The following DNAJC27 variants were observed in gnomAD, a reference collection of about 807,000 sequenced individuals.
DNAJC27 encodes DnaJ heat shock protein family (Hsp40) member C27, also known as dnaJ homolog subfamily C member 27.
In DNAJC27, 25 loss-of-function variants were observed where a neutral mutation model predicts 31.4. The observed-to-expected ratio is 0.80, with a 90% confidence interval of 0.58 to 1.11. DNAJC27 has a LOEUF of 1.11. DNAJC27 is among the 50% of genes most tolerant of loss of function. The probability of loss-of-function intolerance (pLI) is 0.00; values close to 1 mark genes in which losing one functional copy is unlikely to be tolerated. For synonymous variants in DNAJC27, 106 were observed against 112.7 expected, an observed-to-expected ratio of 0.94 and a Z score of 0.37; for missense variants, 356 against 347.3, an observed-to-expected ratio of 1.02 and a Z score of -0.20.
intron 1 of DNAJC27, chr2:24,971,536 G>A (rs1666336947): frequency 3.6e-6 from 1 of 279,908 alleles, no homozygotes; most frequent in Non-Finnish European, 6.7e-6. Context: ...GGCCCCTCAT[G>A]GGGACCCAGG....
Position 24,971,933 on chromosome 2 carries a change from T to C in DNAJC27, c.-29A>G, listed in dbSNP as rs1280310463. The C allele has an allele frequency of 6.5e-7, 1 of 1,541,710 alleles. No individual in the cohort carries two copies. Among genetic ancestry groups the C allele is most frequent in the East Asian group, 2.5e-5 (1 of 40,192 alleles). On this transcript the variant is annotated 5_prime_UTR_variant, in exon 1 of 7. Coordinates refer to ENST00000264711, the MANE Select transcript of DNAJC27 (RefSeq NM_016544.3). ...CCTGGCTCTCTCGGGGCCACCCGCC[T>C]CGGTCTCTTCTTGTGCACCGCTGGC...
At chr2:24,956,306 T>C (rs540657048) in intron 5 of DNAJC27, among the ~76,000 whole-genome samples, 1 of 152,332 alleles carries the variant, frequency 6.6e-6, no homozygotes, top group South Asian at 2.1e-4. Flanking sequence ...TACTTCCAAA[T>C]GTATCTATAA....
intron 1 of DNAJC27, among the ~76,000 whole-genome samples, chr2:24,968,589 G>A (rs186129435): frequency 2.0e-4 from 31 of 151,748 alleles, no homozygotes; most frequent in African/African-American, 6.8e-4. Flanking sequence ...TGAACCGCCC[G>A]CCTCGGTCTC....
intron 1 of DNAJC27, 53 bp from the exon 2 acceptor site, chr2:24,967,346 C>T: frequency 8.3e-7 from 1 of 1,206,320 alleles, no homozygotes; most frequent in Non-Finnish European, 1.2e-6. Flanking sequence ...AGAACACATA[C>T]AGAATAAGTA....
chr2:24,970,108 G>C (rs945323555), intron 1 of DNAJC27, among the ~76,000 whole-genome samples: 6 of 152,102 alleles, frequency 3.9e-5, no homozygotes, highest in African/African-American at 1.4e-4. Context: ...TTAAACCTAG[G>C]AACTTTATTT....
At chr2:24,955,152 G>A (rs2149123822) in intron 5 of DNAJC27, among the ~76,000 whole-genome samples, 1 of 152,234 alleles carries the variant, frequency 6.6e-6, no homozygotes, top group African/African-American at 2.4e-5. Flanking sequence ...CTGTAAAACA[G>A]CTATTATAAA....
rs887872871 is a variant in DNAJC27 at position 24,946,197 on chromosome 2, T to C, written c.*1419A>G. On this transcript the variant is annotated 3_prime_UTR_variant, in exon 7 of 7. Coordinates refer to ENST00000264711, the MANE Select transcript of DNAJC27 (RefSeq NM_016544.3). ...AGGAGGAGACTGTGGTCAGAGAATGTATTTTGTAAGCTATAGTTTAAAAAT... is the reference window on the plus strand; with the variant it reads ...AGGAGGAGACTGTGGTCAGAGAATGCATTTTGTAAGCTATAGTTTAAAAAT... 1 of 152,210 alleles carries C rather than the reference T, an allele frequency of 6.6e-6. No individual in the cohort carries two copies. The highest frequency in any genetic ancestry group is 2.4e-5 in the African/African-American group (1 of 41,460). 9.4% of individuals were successfully genotyped at this position (152,210 alleles called of 1,614,324 possible). A position where few individuals can be genotyped will look rare whatever the true frequency, so the allele number is the denominator to read the frequency against.
chr2:24,957,753 A>C, intron 4 of DNAJC27, 57 bp downstream of exon 4: 1 of 1,489,254 alleles, frequency 6.7e-7, no homozygotes, highest in Non-Finnish European at 9.2e-7. Flanking sequence ...GTTTCCCAAC[A>C]CTCAAAGCTC....
upstream of DNAJC27, chr2:24,972,082 G>A (rs568032861): frequency 1.0e-5 from 5 of 494,292 alleles, no homozygotes; most frequent in South Asian, 1.1e-4. Flanking sequence ...GTGGGGAGCC[G>A]GGGGAGGGAG....
chr2:24,957,992 G>C lies in DNAJC27; in HGVS notation c.241-18C>G. 6.2e-7 allele frequency: 1 copy of C among 1,604,438 alleles called. No homozygotes were observed. Among genetic ancestry groups the C allele is most frequent in the Non-Finnish European group, 8.5e-7 (1 of 1,174,634 alleles). ...TTTCGAACCTTCAAATAAAAGGACA[G>C]ATACACAAAACGTAGTTTTTGTGAT... On this transcript the variant is annotated intron_variant, in intron 3 of 6. Transcript: ENST00000264711.
chr2:24,950,621 T>C lies in DNAJC27; in HGVS notation c.689+773A>G, dbSNP rs184984140. On this transcript the variant is annotated intron_variant, in intron 6 of 6. Transcript: ENST00000264711. Reference sequence around the variant, plus strand: ...CAGTAGTTTGGGAGGCTGAGGCAGTTGGATCACCTGAGGCCAGGAGTTCAA... The same window carrying C: ...CAGTAGTTTGGGAGGCTGAGGCAGTCGGATCACCTGAGGCCAGGAGTTCAA... Among the ~76,000 whole-genome samples the C allele has an allele frequency of 7.8e-4, 119 of 152,220 alleles. 1 individual carries two copies. Among genetic ancestry groups the C allele is most frequent in the African/African-American group, 2.7e-3 (113 of 41,526 alleles).
chr2:24,958,565 C>A, intron 3 of DNAJC27: 1 of 421,096 alleles, frequency 2.4e-6, no homozygotes. Flanking sequence ...TGATCTTGGG[C>A]AAGTCACTTA....
chr2:24,951,399 G>A lies in DNAJC27; in HGVS notation c.684C>T (p.Ala228=), dbSNP rs1434084947. The change falls in exon 6 of 7, where the codon GCC becomes GCT. Residue 228 remains alanine, a synonymous_variant. Transcript: ENST00000264711. ...SWDMLGVKPG[A]SRDEVNKAYR... The stretch of plus-strand genomic sequence containing the variant: ...AAGTATCCCAGAGCGCTTACCTTGA[G>A]GCCCCAGGTTTGACTCCCAGCATGT... The A allele has an allele frequency of 6.2e-7, 1 of 1,610,650 alleles. No homozygotes were observed. The highest frequency in any genetic ancestry group is 1.3e-5 in the African/African-American group (1 of 74,846).
chr2:24,967,063 A>C, intron 2 of DNAJC27, 148 bp downstream of exon 2: 1 of 645,758 alleles, frequency 1.5e-6, no homozygotes, highest in East Asian at 2.8e-5. Context: ...GATACCTGTA[A>C]AGGTCTACTA....
Position 24,970,477 on chromosome 2 carries a change from T to C in DNAJC27, c.87+1341A>G, listed in dbSNP as rs1234515369. 6.7e-5 allele frequency among the ~76,000 whole-genome samples: 10 copies of C among 148,782 alleles called. No homozygotes were observed. The East Asian group carries it at 1.9e-3, about 29-fold the overall frequency. ...TAAAATTACTTTTTTTTTTTTTTTT[T>C]TTTTTGAGACGGCGTCTCACTCTGC... On this transcript the variant is annotated intron_variant, in intron 1 of 6. Transcript: ENST00000264711.
At position 24,951,535 on chromosome 2, in the gene DNAJC27, AC is replaced by A; in HGVS notation, c.547del (p.Val183LeufsTer68). 1 of 1,613,000 alleles carries A rather than the reference AC, an allele frequency of 6.2e-7. No homozygotes were observed. Among genetic ancestry groups the A allele is most frequent in the Non-Finnish European group, 8.5e-7 (1 of 1,179,460 alleles). ...EMFQTFYISI[V>X]DLCENGGKRP... The stretch of plus-strand genomic sequence containing the variant: ...TTTCCCGCCATTTTCACATAAATCA[AC>A]TATGGATATATAAAAGGTCTACAAG... On this transcript the variant is annotated frameshift_variant, in exon 6 of 7. Coordinates refer to ENST00000264711, the MANE Select transcript of DNAJC27 (RefSeq NM_016544.3). LOFTEE classifies it high-confidence loss of function.
intron 2 of DNAJC27, 133 bp from the exon 3 acceptor site, chr2:24,963,607 G>A: frequency 1.6e-6 from 1 of 635,786 alleles, no homozygotes; most frequent in Non-Finnish European, 2.6e-6. Context: ...CCTCATTCCA[G>A]ATCATCTTTA....
At chr2:24,947,779 AAC>A (rs1665682429) in intron 6 of DNAJC27, 31 bp from the exon 7 acceptor site, 14 of 1,600,816 alleles carry the variant, frequency 8.7e-6, no homozygotes, top group Non-Finnish European at 1.1e-5. Flanking sequence ...CTATGTTAGT[AAC>A]AGAGTCAGCC....
intron 6 of DNAJC27, among the ~76,000 whole-genome samples, chr2:24,950,278 A>C (rs1430648496): frequency 2.0e-5 from 3 of 152,088 alleles, no homozygotes; most frequent in Non-Finnish European, 2.9e-5. Flanking sequence ...AATGGAGAAG[A>C]GATGTGTAGT....
Sources: allele counts gnomAD v4.1 joint callset (sites outside exome capture counted in the v4.1 genomes callset), GRCh38; gene constraint gnomAD v4.1.1; transcripts MANE v1.5; gene names NCBI Gene and HGNC (gene_info 2026-07-23, HGNC 2026-07-21).